The following TMEFF2 variants were observed in gnomAD, a reference collection of about 807,000 sequenced individuals.
The protein encoded by TMEFF2 is tomoregulin-2.
A neutral mutation model predicts 53.8 loss-of-function variants in TMEFF2; 28 were observed. That is an observed-to-expected ratio of 0.52 (90% CI 0.39 to 0.71). The LOEUF is 0.71. Among genes scored for constraint, TMEFF2 ranks in the 30% least tolerant of loss-of-function variants. TMEFF2 has a pLI of 0.00. For missense variants in TMEFF2, 353 were observed against 455.2 expected (o/e 0.78, Z 2.04); for synonymous variants, 162 against 166.3 (o/e 0.97, Z 0.20).
chr2:192,013,482 G>A (rs539629363), intron 5 of TMEFF2, among the ~76,000 whole-genome samples: 4 of 146,260 alleles, frequency 2.7e-5, no homozygotes, highest in South Asian at 2.2e-4. Flanking sequence ...AGACAGTCTC[G>A]CTCTATCCCC....
intron 4 of TMEFF2, among the ~76,000 whole-genome samples, chr2:192,135,941 T>G (rs971261316): frequency 6.8e-6 from 1 of 146,790 alleles, no homozygotes; most frequent in African/African-American, 2.5e-5. Flanking sequence ...AACAACCCCC[T>G]TTGACTGTAA....
chr2:192,045,897 C>A (rs1006877787), intron 5 of TMEFF2, among the ~76,000 whole-genome samples: 11 of 152,178 alleles, frequency 7.2e-5, no homozygotes, highest in Non-Finnish European at 1.5e-4. Flanking sequence ...ATGCTTCTCC[C>A]AAAACTACCA....
intron 7 of TMEFF2, among the ~76,000 whole-genome samples, chr2:191,969,590 G>T (rs1470982446): frequency 6.6e-6 from 1 of 152,272 alleles, no homozygotes; most frequent in African/African-American, 2.4e-5. Context: ...TGGTGTGAAA[G>T]GTCAAGCATA....
Position 192,188,970 on chromosome 2 carries a change from G to A in TMEFF2, c.282+2910C>T, listed in dbSNP as rs1211231977. ...GAAATGATATGTACGACAAACCCCC[G>A]TGACACATGTTTACATATGTAATAA... On this transcript the variant is annotated intron_variant, in intron 2 of 9. Transcript: ENST00000272771. Among the ~76,000 whole-genome samples, 8 of 151,610 alleles carry A rather than the reference G, an allele frequency of 5.3e-5. No homozygotes were observed. In the South Asian group the frequency reaches 6.3e-4, roughly 12 times the overall value.
At chr2:191,983,906 C>A (rs918257072) in intron 7 of TMEFF2, among the ~76,000 whole-genome samples, 1 of 152,244 alleles carries the variant, frequency 6.6e-6, no homozygotes, top group South Asian at 2.1e-4. Context: ...AAGAACTTTT[C>A]TTTTCCAAGA....
chr2:192,023,583 T>C (rs1686905785), intron 5 of TMEFF2, among the ~76,000 whole-genome samples: 1 of 152,180 alleles, frequency 6.6e-6, no homozygotes, highest in Non-Finnish European at 1.5e-5. Context: ...ACTCTTTGTT[T>C]CTGCAGACAA....
chr2:192,044,476 C>A (rs983597304), intron 5 of TMEFF2: 1 of 152,178 alleles, frequency 6.6e-6, no homozygotes, highest in Non-Finnish European at 1.5e-5. Context: ...TCTTTGGATT[C>A]TGGAGGCAAC....
At chr2:192,099,117 G>C (rs1057396772) in intron 4 of TMEFF2, among the ~76,000 whole-genome samples, 7 of 152,052 alleles carry the variant, frequency 4.6e-5, no homozygotes, top group African/African-American at 1.7e-4. Flanking sequence ...AGTTGAAGGA[G>C]AGTCCACAGA....
chr2:192,117,735 T>A (rs1336406662), intron 4 of TMEFF2, among the ~76,000 whole-genome samples: 1 of 152,022 alleles, frequency 6.6e-6, no homozygotes, highest in Non-Finnish European at 1.5e-5. Flanking sequence ...CCAATCAGAC[T>A]GGTCCCAGGC....
chr2:191,952,494 A>G (rs1691916188), intron 9 of TMEFF2, among the ~76,000 whole-genome samples: 1 of 152,018 alleles, frequency 6.6e-6, no homozygotes, highest in Admixed American at 6.6e-5. Context: ...TTTTATATGC[A>G]GTATTTTTGG....
chr2:192,110,003 A>T (rs993123080), intron 4 of TMEFF2, among the ~76,000 whole-genome samples: 1 of 152,126 alleles, frequency 6.6e-6, no homozygotes, highest in Non-Finnish European at 1.5e-5. Context: ...AAAGGAGATG[A>T]AAAGAAAGAA....
chr2:192,069,974 G>GTT, intron 4 of TMEFF2, among the ~76,000 whole-genome samples: 1 of 8,580 alleles, frequency 1.2e-4, no homozygotes, highest in Non-Finnish European at 2.4e-4. Context: ...ATGTGTGTGT[G>GTT]TGTGTGTGTG....
intron 7 of TMEFF2, among the ~76,000 whole-genome samples, chr2:191,961,816 A>ATGGGT (rs1187638180): frequency 3.9e-5 from 6 of 152,156 alleles, no homozygotes; most frequent in African/African-American, 1.4e-4. Context: ...TTCCTATTGA[A>ATGGGT]TGGGTTCTGA....
intron 4 of TMEFF2, among the ~76,000 whole-genome samples, chr2:192,105,465 C>T (rs1258299610): frequency 4.0e-5 from 6 of 151,850 alleles, no homozygotes; most frequent in Admixed American, 6.6e-5. Context: ...TGCATTATTG[C>T]ATCTATCCCT....
chr2:191,966,955 C>G (rs773641299), intron 7 of TMEFF2, among the ~76,000 whole-genome samples: 22 of 151,092 alleles, frequency 1.5e-4, no homozygotes, highest in Admixed American at 1.4e-3. Flanking sequence ...TTCTTGAGCA[C>G]AGTCTCAAAA....
chr2:191,970,013 C>CTCAA (rs1044875333), intron 7 of TMEFF2, among the ~76,000 whole-genome samples: 4 of 152,144 alleles, frequency 2.6e-5, no homozygotes, highest in African/African-American at 9.7e-5. Flanking sequence ...TTTGGTATTT[C>CTCAA]TCAATCATCT....
intron 5 of TMEFF2, among the ~76,000 whole-genome samples, chr2:191,999,424 A>AC (rs1686303341): frequency 2.6e-4 from 1 of 3,888 alleles, no homozygotes; most frequent in African/African-American, 3.0e-4. Flanking sequence ...TGGATAAAAA[A>AC]TAAAAGGAAA....
At chr2:192,168,017 T>C (rs190835387) in intron 4 of TMEFF2, among the ~76,000 whole-genome samples, 120 of 152,218 alleles carry the variant, frequency 7.9e-4, no homozygotes, top group African/African-American at 2.8e-3. Flanking sequence ...ACGTTGTTGG[T>C]TGAGTCTTTA....
At chr2:192,097,575 T>A (rs1688942811) in intron 4 of TMEFF2, among the ~76,000 whole-genome samples, 1 of 152,216 alleles carries the variant, frequency 6.6e-6, no homozygotes, top group African/African-American at 2.4e-5. Context: ...TCATTTTTAA[T>A]CTTAACAAAA....
Sources: gnomAD v4.1 joint callset for allele counts (sites outside exome capture counted in the v4.1 genomes callset) on GRCh38, gnomAD v4.1.1 for gene constraint, MANE v1.5 for transcripts, NCBI Gene and HGNC (gene_info 2026-07-23, HGNC 2026-07-21) for gene names.